COL24A1: variants seen among roughly 807,000 people sequenced by gnomAD.
The protein encoded by COL24A1 is collagen type XXIV alpha 1 chain, also known as collagen alpha-1(XXIV) chain.
A neutral mutation model predicts 253.9 loss-of-function variants in COL24A1; 224 were observed. The observed-to-expected ratio is 0.88, with a 90% CI of 0.79 to 0.99. The LOEUF is 0.99. Among genes scored for constraint, COL24A1 ranks in the 50% least tolerant of loss-of-function variants. The pLI, the probability that COL24A1 is intolerant of heterozygous loss-of-function variation, is 0.00. For synonymous variants in COL24A1, 685 were observed against 673.7 expected (o/e 1.02, Z -0.26); for missense variants, 2,131 against 2,068.5 (o/e 1.03, Z -0.59).
At chr1:85,898,023 A>G (rs940753484) in intron 28 of COL24A1, among the ~76,000 whole-genome samples, 8 of 152,196 alleles carry the variant, frequency 5.3e-5, no homozygotes, top group Non-Finnish European at 1.5e-5. Flanking sequence ...TAGAGGCATG[A>G]AAACAGATAC....
At chr1:85,850,584 C>CTG (rs1677645165) in intron 37 of COL24A1, among the ~76,000 whole-genome samples, 1 of 152,036 alleles carries the variant, frequency 6.6e-6, no homozygotes, top group Non-Finnish European at 1.5e-5. Flanking sequence ...GTTAATGAGG[C>CTG]CTTTCAAAAA....
chr1:85,886,210 G>T (rs1033636945), intron 32 of COL24A1, among the ~76,000 whole-genome samples: 19 of 151,834 alleles, frequency 1.3e-4, no homozygotes, highest in African/African-American at 4.6e-4. Context: ...ACCACATCTG[G>T]CTAATCTTTT....
intron 45 of COL24A1, among the ~76,000 whole-genome samples, chr1:85,822,715 C>T (rs1381525026): frequency 2.6e-5 from 4 of 152,154 alleles, no homozygotes; most frequent in Non-Finnish European, 4.4e-5. Context: ...CTAAGCCCTC[C>T]GTGTACTTCC....
chr1:85,790,676 A>T (rs1303197429), intron 47 of COL24A1, among the ~76,000 whole-genome samples: 1 of 152,122 alleles, frequency 6.6e-6, no homozygotes, highest in Non-Finnish European at 1.5e-5. Context: ...ACCAGTGCAC[A>T]TGCTATCATA....
At chr1:85,784,663 G>C (rs192548159) in intron 48 of COL24A1, among the ~76,000 whole-genome samples, 11 of 152,188 alleles carry the variant, frequency 7.2e-5, no homozygotes, top group Admixed American at 3.9e-4. Flanking sequence ...GGCTTGAGAG[G>C]GGATAGTGAG....
At chr1:85,829,856 C>G (rs1036004251) in intron 43 of COL24A1, among the ~76,000 whole-genome samples, 1 of 151,926 alleles carries the variant, frequency 6.6e-6, no homozygotes, top group Non-Finnish European at 1.5e-5. Flanking sequence ...AACTTCTTTG[C>G]CTTTGGTTTG....
At chr1:86,015,549 G>A (rs1401841754) in intron 19 of COL24A1, among the ~76,000 whole-genome samples, 1 of 152,082 alleles carries the variant, frequency 6.6e-6, no homozygotes, top group Non-Finnish European at 1.5e-5. Flanking sequence ...AGGTAACATA[G>A]CCATTTCTAG....
chr1:85,754,630 T>G (rs2101028064), intron 55 of COL24A1, among the ~76,000 whole-genome samples: 1 of 149,056 alleles, frequency 6.7e-6, no homozygotes, highest in South Asian at 2.1e-4. Context: ...GCACATAAAT[T>G]ATAGAAAAAA....
chr1:85,999,679 A>G (rs2101041263), intron 19 of COL24A1, among the ~76,000 whole-genome samples: 1 of 152,090 alleles, frequency 6.6e-6, no homozygotes, highest in South Asian at 2.1e-4. Context: ...GAAAAGAAAA[A>G]AAAGATTCAT....
At chr1:85,962,556 A>G (rs1448022185) in intron 23 of COL24A1, among the ~76,000 whole-genome samples, 1 of 152,192 alleles carries the variant, frequency 6.6e-6, no homozygotes, top group Admixed American at 6.5e-5. Flanking sequence ...AACATTAATG[A>G]TTTCAAATAA....
chr1:86,089,130 G>GA (rs56934354), intron 7 of COL24A1, 44 bp downstream of exon 7: 591,061 of 1,388,670 alleles, frequency 0.43, 95,366 homozygotes, highest in Non-Finnish European at 0.45. Context: ...ACAAAAAAAA[G>GA]AAAAAAAGAA....
chr1:85,863,410 T>A (rs1027221798), intron 37 of COL24A1, among the ~76,000 whole-genome samples: 3 of 152,160 alleles, frequency 2.0e-5, no homozygotes, highest in Non-Finnish European at 4.4e-5. Context: ...TCAAAGGGAA[T>A]GCTAGACTTC....
At chr1:85,882,333 G>A (rs1170625457) in intron 32 of COL24A1, among the ~76,000 whole-genome samples, 1 of 152,052 alleles carries the variant, frequency 6.6e-6, no homozygotes, top group African/African-American at 2.4e-5. Flanking sequence ...GCATGGTGGC[G>A]GGCGCCTGTA....
At chr1:86,031,120 T>C (rs915983032) in intron 14 of COL24A1, among the ~76,000 whole-genome samples, 2 of 152,012 alleles carry the variant, frequency 1.3e-5, no homozygotes, top group African/African-American at 2.4e-5. Context: ...TATTCAGCTA[T>C]AAAAAAGAAT....
intron 19 of COL24A1, among the ~76,000 whole-genome samples, chr1:86,004,028 G>A (rs1455271893): frequency 6.6e-6 from 1 of 152,180 alleles, no homozygotes; most frequent in African/African-American, 2.4e-5. Context: ...AGTAGAGACA[G>A]AAGTTATGTA....
chr1:86,073,233 G>T (rs529785075), intron 7 of COL24A1, among the ~76,000 whole-genome samples: 1 of 152,052 alleles, frequency 6.6e-6, no homozygotes, highest in African/African-American at 2.4e-5. Flanking sequence ...CTTGAAAAAA[G>T]GTTAGAGGAA....
At chr1:85,842,545 C>T (rs1449252079) in intron 39 of COL24A1, 152 bp from the exon 40 acceptor site, 1 of 554,952 alleles carries the variant, frequency 1.8e-6, no homozygotes, top group Non-Finnish European at 3.1e-6. Flanking sequence ...AATAACCCCC[C>T]AACTTTTGTC....
At chr1:85,896,615 C>A (rs547375869) in intron 28 of COL24A1, among the ~76,000 whole-genome samples, 2 of 152,104 alleles carry the variant, frequency 1.3e-5, no homozygotes, top group Non-Finnish European at 2.9e-5. Flanking sequence ...CTGCCTCAGC[C>A]TCCCCCTGAG....
intron 7 of COL24A1, among the ~76,000 whole-genome samples, chr1:86,068,995 C>T (rs368542938): frequency 2.6e-5 from 4 of 152,056 alleles, no homozygotes; most frequent in African/African-American, 7.2e-5. Flanking sequence ...GTGCTGTGGG[C>T]CTTGGGCTCT....
Sources: allele counts gnomAD v4.1 joint callset (sites outside exome capture counted in the v4.1 genomes callset), GRCh38; gene constraint gnomAD v4.1.1; transcripts MANE v1.5; gene names NCBI Gene and HGNC (gene_info 2026-07-23, HGNC 2026-07-21).